The following ROBO2 variants were observed in gnomAD, a reference collection of about 807,000 sequenced individuals.
ROBO2 encodes roundabout homolog 2.
ROBO2 carries 53 observed loss-of-function variants against 160.8 expected under a neutral mutation model. The observed-to-expected ratio is 0.33, with a 90% CI of 0.26 to 0.41. ROBO2 has a LOEUF of 0.41. ROBO2 is among the 10% of genes least tolerant of loss of function. ROBO2 has a pLI of 1.00. For synonymous variants in ROBO2, 664 were observed against 611.7 expected, an observed-to-expected ratio of 1.09 and a Z score of -1.26; for missense variants, 1,577 against 1,722.4, an observed-to-expected ratio of 0.92 and a Z score of 1.49.
chr3:76,906,381 T>C (rs2075602320), intron 2 of ROBO2, among the ~76,000 whole-genome samples: 1 of 151,834 alleles, frequency 6.6e-6, no homozygotes, highest in South Asian at 2.1e-4. Context: ...TTTAATAAAA[T>C]ATAATGCCCT....
At chr3:76,571,330 A>C (rs2084945383) in intron 2 of ROBO2, among the ~76,000 whole-genome samples, 2 of 152,164 alleles carry the variant, frequency 1.3e-5, no homozygotes, top group South Asian at 4.1e-4. Context: ...TGTAAATTTC[A>C]GATTGTTCTT....
chr3:76,628,358 A>C (rs2089802861), intron 2 of ROBO2, among the ~76,000 whole-genome samples: 1 of 151,432 alleles, frequency 6.6e-6, no homozygotes, highest in Non-Finnish European at 1.5e-5. Context: ...CCAAACTCCT[A>C]GGCTCAAGTG....
chr3:77,255,626 G>A (rs2090840405), intron 2 of ROBO2, among the ~76,000 whole-genome samples: 1 of 152,184 alleles, frequency 6.6e-6, no homozygotes, highest in Non-Finnish European at 1.5e-5. Flanking sequence ...AGCAATTTAG[G>A]AGATACCATA....
intron 2 of ROBO2, among the ~76,000 whole-genome samples, chr3:76,695,743 A>G (rs2092914088): frequency 6.6e-6 from 1 of 152,090 alleles, no homozygotes; most frequent in African/African-American, 2.4e-5. Context: ...CTCCCATTTT[A>G]TAGACAAGGG....
At chr3:76,143,244 T>C (rs1472028338) in intron 2 of ROBO2, among the ~76,000 whole-genome samples, 3 of 152,036 alleles carry the variant, frequency 2.0e-5, no homozygotes, top group African/African-American at 7.2e-5. Flanking sequence ...TTGCCCAGGC[T>C]GGTCATGAAA....
chr3:76,484,475 C>G (rs531408285), intron 2 of ROBO2, among the ~76,000 whole-genome samples: 2 of 152,144 alleles, frequency 1.3e-5, no homozygotes, highest in African/African-American at 4.8e-5. Flanking sequence ...AGTGGGGAGT[C>G]GGCTATGCAG....
chr3:77,388,704 T>C (rs1451050469), intron 2 of ROBO2, among the ~76,000 whole-genome samples: 1 of 152,210 alleles, frequency 6.6e-6, no homozygotes, highest in African/African-American at 2.4e-5. Flanking sequence ...GAAGGAATGA[T>C]GTGTTTCAAG....
chr3:76,235,076 G>C (rs537911275), intron 2 of ROBO2, among the ~76,000 whole-genome samples: 5 of 152,098 alleles, frequency 3.3e-5, no homozygotes. Context: ...CAAAGGGTGG[G>C]TAAGTTGTAG....
rs145823095 is a variant in ROBO2 at position 76,808,161 on chromosome 3, CT to C, written c.110-289847del. ...TATTATACAAAAGTACAATATCCAA[CT>C]TTTTTCTTCTATCCAAGGATATTTG... On this transcript the variant is annotated intron_variant, in intron 2 of 26. Transcript: ENST00000487694. 5.6e-3 allele frequency among the ~76,000 whole-genome samples: 846 copies of C among 152,076 alleles called. 7 individuals carry two copies. Among genetic ancestry groups the C allele is most frequent in the African/African-American group, 0.02 (815 of 41,502 alleles).
At position 76,553,442 on chromosome 3, in the gene ROBO2, T is replaced by A. The variant is rs1182562800; in HGVS notation, c.110-544572T>A. On this transcript the variant is annotated intron_variant, in intron 2 of 26. Coordinates refer to the ROBO2 transcript ENST00000487694. ...TAATGACCAGAAGGTCATTGTGAAC[T>A]TAGAGTTTCAGTGGAGTGTTATGAT... 3.3e-5 allele frequency among the ~76,000 whole-genome samples: 5 copies of A among 152,206 alleles called. No homozygotes were observed. The East Asian group carries it at 7.7e-4, about 23-fold the overall frequency.
At chr3:76,762,478 TTC>T (rs1190819255) in intron 2 of ROBO2, among the ~76,000 whole-genome samples, 6 of 151,256 alleles carry the variant, frequency 4.0e-5, no homozygotes, top group African/African-American at 1.5e-4. Flanking sequence ...AGTGAACTGT[TTC>T]TGAGAAGCAA....
chr3:76,688,911 T>C (rs1331310606), intron 2 of ROBO2, among the ~76,000 whole-genome samples: 1 of 152,138 alleles, frequency 6.6e-6, no homozygotes, highest in Non-Finnish European at 1.5e-5. Context: ...GATGTCTTTT[T>C]TGCCTGTTAC....
chr3:76,437,966 G>A (rs190901773), intron 2 of ROBO2, among the ~76,000 whole-genome samples: 131 of 152,198 alleles, frequency 8.6e-4, no homozygotes, highest in Non-Finnish European at 1.4e-3. Flanking sequence ...AAATGTAAGC[G>A]TGCTCTTGAG....
intron 2 of ROBO2, among the ~76,000 whole-genome samples, chr3:77,415,848 G>T (rs151117128): frequency 6.6e-6 from 1 of 152,082 alleles, no homozygotes; most frequent in Non-Finnish European, 1.5e-5. Context: ...TCTGCTGCCC[G>T]CAGTGCAGCA....
At chr3:77,377,483 G>T (rs776165945) in intron 2 of ROBO2, among the ~76,000 whole-genome samples, 3 of 152,114 alleles carry the variant, frequency 2.0e-5, no homozygotes, top group African/African-American at 7.2e-5. Context: ...CCATACAAGA[G>T]AACATCCTCA....
chr3:76,368,999 A>G (rs937992317), intron 2 of ROBO2, among the ~76,000 whole-genome samples: 3 of 151,872 alleles, frequency 2.0e-5, no homozygotes, highest in African/African-American at 7.2e-5. Context: ...CAATAAAAGA[A>G]CCTTCCCTTG....
intron 2 of ROBO2, among the ~76,000 whole-genome samples, chr3:76,318,354 A>G (rs919903588): frequency 6.6e-6 from 1 of 152,100 alleles, no homozygotes; most frequent in Non-Finnish European, 1.5e-5. Flanking sequence ...GTGTGGGTTG[A>G]AAAACATATT....
chr3:76,584,922 T>C (rs1392060916), intron 2 of ROBO2, among the ~76,000 whole-genome samples: 1 of 152,178 alleles, frequency 6.6e-6, no homozygotes, highest in Non-Finnish European at 1.5e-5. Flanking sequence ...CTGGTAAACA[T>C]ACCTCACATT....
At chr3:77,532,958 A>G (rs934001301) in intron 6 of ROBO2, among the ~76,000 whole-genome samples, 2 of 152,230 alleles carry the variant, frequency 1.3e-5, no homozygotes, top group Admixed American at 1.3e-4. Flanking sequence ...ATTTTCTGTC[A>G]TGAATTAAAT....
Sources: allele counts gnomAD v4.1 joint callset (sites outside exome capture counted in the v4.1 genomes callset), GRCh38; gene constraint gnomAD v4.1.1; transcripts MANE v1.5; gene names NCBI Gene and HGNC (gene_info 2026-07-23, HGNC 2026-07-21).